The following ZBTB16 variants were observed in gnomAD, a reference collection of about 807,000 sequenced individuals.
ZBTB16 encodes zinc finger and BTB domain containing 16.
A neutral mutation model predicts 56.8 loss-of-function variants in ZBTB16; 8 were observed. The ratio of observed to expected loss-of-function variants is 0.14; its 90% CI spans 0.08 to 0.25. The LOEUF (loss-of-function observed/expected upper bound fraction) is 0.25, where lower values mean the gene tolerates loss of function less well. Ranked by LOEUF, ZBTB16 falls within the 10% of genes least tolerant of loss-of-function variation. The pLI is 1.00. For synonymous variants in ZBTB16, 363 were observed against 368.5 expected, an observed-to-expected ratio of 0.98 and a Z score of 0.17; for missense variants, 625 against 903.0, an observed-to-expected ratio of 0.69 and a Z score of 3.95.
Position 114,064,976 on chromosome 11 carries a change from C to T in ZBTB16, c.1268+408C>T, listed in dbSNP as rs1299372674. Among the ~76,000 whole-genome samples, 2 of 152,128 alleles carry T rather than the reference C, an allele frequency of 1.3e-5. No individual in the cohort carries two copies. The highest frequency in any genetic ancestry group is 2.9e-5 in the Non-Finnish European group (2 of 68,022). On this transcript the variant is annotated intron_variant, in intron 2 of 6. Coordinates refer to ENST00000335953, the MANE Select transcript of ZBTB16 (RefSeq NM_006006.6). This position sits in a 1 kb window ranked among gnomAD's most constrained non-coding sequence, Gnocchi z 4.2. ...ACCATGTTACTAGGTTTCAGGTCCT[C>T]GGGTTCCCATGCAGTGGTCCCTGTG...
At chr11:114,107,536 A>T (rs1290921800) in intron 2 of ZBTB16, among the ~76,000 whole-genome samples, 1 of 152,176 alleles carries the variant, frequency 6.6e-6, no homozygotes, top group Non-Finnish European at 1.5e-5. Context: ...TCCAAAGAGC[A>T]TGATTTCTGA....
At chr11:114,162,951 C>A (rs148829341) in intron 3 of ZBTB16, among the ~76,000 whole-genome samples, 14 of 152,272 alleles carry the variant, frequency 9.2e-5, no homozygotes, top group South Asian at 4.1e-4. Flanking sequence ...CACTGGCCTG[C>A]CGGCAGGTCT....
intron 2 of ZBTB16, among the ~76,000 whole-genome samples, chr11:114,116,717 A>T (rs1941185515): frequency 1.3e-5 from 2 of 152,208 alleles, no homozygotes; most frequent in Non-Finnish European, 2.9e-5. Context: ...ACATGGCTGT[A>T]ATGAAAGATA....
chr11:114,179,444 A>G (rs1423486756), intron 3 of ZBTB16, among the ~76,000 whole-genome samples: 1 of 152,206 alleles, frequency 6.6e-6, no homozygotes, highest in Non-Finnish European at 1.5e-5. Flanking sequence ...CTGTTGTAAA[A>G]TGCCCTGCGT....
intron 3 of ZBTB16, among the ~76,000 whole-genome samples, chr11:114,165,247 C>T (rs772190364): frequency 2.0e-5 from 3 of 152,232 alleles, no homozygotes; most frequent in African/African-American, 7.2e-5. Context: ...ATCTCATGTG[C>T]TCTTGTCCCT....
intron 2 of ZBTB16, among the ~76,000 whole-genome samples, chr11:114,110,502 T>A (rs1940967702): frequency 1.3e-5 from 2 of 152,240 alleles, no homozygotes; most frequent in Admixed American, 6.5e-5. Context: ...GCTGCTATGT[T>A]GGTTTCACTG....
At position 114,255,653 on chromosome 11, in the gene ZBTB16, G is replaced by A. The variant is rs1194429099; in HGVS notation, c.*5098G>A. Among the ~76,000 whole-genome samples, 5 of 149,688 alleles carry A rather than the reference G, an allele frequency of 3.3e-5. No homozygotes were observed. The highest frequency in any genetic ancestry group is 7.4e-5 in the African/African-American group (3 of 40,478). On this transcript the variant is annotated 3_prime_UTR_variant, in exon 7 of 7. Transcript: ENST00000335953. ...TGTGCAGTCCTGGTTGCAGCTTTCC[G>A]CATCTGCCTTCGTTTCGTGTAGATT...
At chr11:114,200,919 G>T (rs1234007755) in intron 4 of ZBTB16, among the ~76,000 whole-genome samples, 1 of 152,168 alleles carries the variant, frequency 6.6e-6, no homozygotes, top group Non-Finnish European at 1.5e-5. Context: ...AAATTGCCTT[G>T]TTTTTTCTAG....
At chr11:114,156,285 G>A (rs1213617396) in intron 2 of ZBTB16, 52 bp from the exon 3 acceptor site, 3 of 1,591,116 alleles carry the variant, frequency 1.9e-6, no homozygotes, top group Non-Finnish European at 1.7e-6. Context: ...GGATGGCCCT[G>A]CCTCTTGTCC....
intron 3 of ZBTB16, among the ~76,000 whole-genome samples, chr11:114,168,409 A>G (rs1392646014): frequency 1.3e-5 from 2 of 152,190 alleles, no homozygotes; most frequent in African/African-American, 4.8e-5. Context: ...AGGGCTCAGG[A>G]TGCATGGTTT....
intron 2 of ZBTB16, among the ~76,000 whole-genome samples, chr11:114,124,569 A>C (rs374099188): frequency 0.013 from 1,606 of 120,214 alleles, 44 homozygotes; most frequent in African/African-American, 0.046. Flanking sequence ...AAAAAAAAAA[A>C]AAACAAAAAC....
chr11:114,190,141 G>T (rs1039552114), intron 4 of ZBTB16, among the ~76,000 whole-genome samples: 2 of 152,178 alleles, frequency 1.3e-5, no homozygotes, highest in Admixed American at 1.3e-4. Context: ...ATTAGTAGGT[G>T]CCAGGGGCTG....
chr11:114,072,944 C>T (rs1002625126), intron 2 of ZBTB16, among the ~76,000 whole-genome samples: 11 of 149,462 alleles, frequency 7.4e-5, no homozygotes, highest in East Asian at 6.0e-4. Context: ...CCCAGCTACT[C>T]GGGAGGCTGA....
intron 1 of ZBTB16, among the ~76,000 whole-genome samples, chr11:114,062,428 G>C (rs117449925): frequency 3.0e-4 from 46 of 152,312 alleles, no homozygotes; most frequent in South Asian, 1.9e-3. Flanking sequence ...GTCTGTCTCT[G>C]GCTGGTGTAC....
At chr11:114,239,340 T>C (rs2135193462) in intron 4 of ZBTB16, among the ~76,000 whole-genome samples, 1 of 152,274 alleles carries the variant, frequency 6.6e-6, no homozygotes, top group Middle Eastern at 3.4e-3. Context: ...CTCCAAAGCC[T>C]ACTCAACCCT....
chr11:114,138,889 C>T (rs973905488), intron 2 of ZBTB16, among the ~76,000 whole-genome samples: 4 of 151,968 alleles, frequency 2.6e-5, no homozygotes, highest in African/African-American at 9.7e-5. Flanking sequence ...TGGGGTTTCA[C>T]CATGTTGGCC....
intron 2 of ZBTB16, among the ~76,000 whole-genome samples, chr11:114,152,019 T>A (rs530541422): frequency 1.3e-5 from 2 of 152,352 alleles, no homozygotes; most frequent in East Asian, 3.9e-4. Flanking sequence ...CATGCTTCTA[T>A]GCAGTAGCCA....
At chr11:114,073,775 A>G (rs1160847347) in intron 2 of ZBTB16, among the ~76,000 whole-genome samples, 1 of 152,216 alleles carries the variant, frequency 6.6e-6, no homozygotes, top group Non-Finnish European at 1.5e-5. Context: ...AAGGGGGGAC[A>G]TTCTGGGCCA....
intron 4 of ZBTB16, 142 bp from the exon 5 acceptor site, chr11:114,242,025 T>C: frequency 7.1e-6 from 8 of 1,127,522 alleles, no homozygotes; most frequent in Non-Finnish European, 1.0e-5. Context: ...CAGTGTTGCA[T>C]AGCCTGGGCC....
Sources: allele counts gnomAD v4.1 joint callset (sites outside exome capture counted in the v4.1 genomes callset), GRCh38; gene constraint gnomAD v4.1.1; non-coding constraint Gnocchi (gnomAD v3.1); transcripts MANE v1.5; gene names NCBI Gene and HGNC (gene_info 2026-07-23, HGNC 2026-07-21).